EN1: variants seen among roughly 807,000 people sequenced by gnomAD.
The protein encoded by EN1 is homeobox protein engrailed-1.
EN1 carries 8 observed loss-of-function variants against 22.9 expected under a neutral mutation model. The observed-to-expected ratio is 0.35, with a 90% confidence interval of 0.20 to 0.63. The LOEUF is 0.63. Among genes scored for constraint, EN1 ranks in the 20% least tolerant of loss-of-function variants. The pLI is 0.73. For synonymous variants in EN1, 287 were observed against 262.5 expected (o/e 1.09, Z -0.90); for missense variants, 521 against 572.1 (o/e 0.91, Z 0.91).
At position 118,847,004 on chromosome 2, in the gene EN1, G is replaced by T. The variant is rs919719731; in HGVS notation, c.164C>A (p.Ala55Glu). Residue 55 changes from alanine (A) to glutamate (E), a missense_variant, in exon 1 of 2, where the codon GCG (alanine) becomes GAG (glutamate). Physicochemically the swap from Ala to Glu is moderately radical, Grantham distance 107. Coordinates refer to ENST00000295206, the MANE Select transcript of EN1 (RefSeq NM_001426.4). ...GDSVPVSPQP[A>E]PPSPPAAPCL... ...AGGCGCCGCGGGCGGCGAGGGGGGCGCAGGCTGCGGGGACACCGGCACGCT... is the reference window on the plus strand; with the variant it reads ...AGGCGCCGCGGGCGGCGAGGGGGGCTCAGGCTGCGGGGACACCGGCACGCT... 1 of 1,363,986 alleles carries T rather than the reference G, an allele frequency of 7.3e-7. No homozygotes were observed. 84.5% of individuals were successfully genotyped at this position (1,363,986 alleles called of 1,614,324 possible).
At position 118,846,260 on chromosome 2, in the gene EN1, T is replaced by C. The variant is rs1678266190; in HGVS notation, c.862+46A>G. On this transcript the variant is annotated intron_variant, in intron 1 of 1. Transcript: ENST00000295206. This position sits in a 1 kb window ranked among gnomAD's most constrained non-coding sequence, Gnocchi z 5.0. Reference sequence around the variant, plus strand: ...GCCGCAGCTTGGCGTTCTGGGGCGGTCCGCGGGGCCAGAAGGCATGGCGCA... The same window carrying C: ...GCCGCAGCTTGGCGTTCTGGGGCGGCCCGCGGGGCCAGAAGGCATGGCGCA... 1 of 1,582,736 alleles carries C rather than the reference T, an allele frequency of 6.3e-7. No individual in the cohort carries two copies. The highest frequency in any genetic ancestry group is 1.4e-5 in the African/African-American group (1 of 73,778).
chr2:118,843,615 G>A (rs1469944658), intron 1 of EN1, among the ~76,000 whole-genome samples: 1 of 152,206 alleles, frequency 6.6e-6, no homozygotes, highest in African/African-American at 2.4e-5. Flanking sequence ...AATCCAAGAT[G>A]AGGAGATATT....
Position 118,842,677 on chromosome 2 carries a change from G to C in EN1, c.*261C>G. The C allele has an allele frequency of 1.9e-6, 1 of 522,688 alleles. No individual in the cohort carries two copies. 32.4% of individuals were successfully genotyped at this position (522,688 alleles called of 1,614,324 possible). A position where few individuals can be genotyped will look rare whatever the true frequency, so the allele number is the denominator to read the frequency against. On this transcript the variant is annotated 3_prime_UTR_variant, in exon 2 of 2. Transcript: ENST00000295206. ...CGGTTTGGCTAGATAGAGCTTTAAG[G>C]AGTTCGCAGTTTCGTCCCTTATACT...
rs1284052116 is a variant in EN1 at position 118,847,204 on chromosome 2, C to A, written c.-37G>T. ...CCGCCGCCCCGGCCGCCGCGCCGGCCCCCGCCCCCACCGCCTCGCTCCCCA... is the reference window on the plus strand; with the variant it reads ...CCGCCGCCCCGGCCGCCGCGCCGGCACCCGCCCCCACCGCCTCGCTCCCCA... On this transcript the variant is annotated 5_prime_UTR_variant, in exon 1 of 2. Coordinates refer to ENST00000295206, the MANE Select transcript of EN1 (RefSeq NM_001426.4). 2.2e-5 allele frequency: 14 copies of A among 643,056 alleles called. 1 individual carries two copies. Among genetic ancestry groups the A allele is most frequent in the Non-Finnish European group, 3.3e-5 (14 of 427,372 alleles). 39.8% of individuals were successfully genotyped at this position (643,056 alleles called of 1,614,324 possible). A position where few individuals can be genotyped will look rare whatever the true frequency, so the allele number is the denominator to read the frequency against.
Position 118,846,440 on chromosome 2 carries a change from G to C in EN1, c.728C>G (p.Pro243Arg). The change falls in exon 1 of 2, where the codon CCG becomes CGG. Residue 243 changes from proline (P) to arginine (R), a missense_variant. By Grantham distance (103) the Pro-to-Arg change is moderately radical. Around this residue, in one of 3 missense-constraint regions of EN1, gnomAD observed 436 missense variants for 410.1 expected, o/e 1.06. Coordinates refer to ENST00000295206, the MANE Select transcript of EN1 (RefSeq NM_001426.4). This position sits in a 1 kb window ranked among gnomAD's most constrained non-coding sequence, Gnocchi z 5.0. ...TAGGATAGCCGGGTTGCCGTGCTCC[G>C]GGTATTTGGTGCCCTGCGCTCCGGG... ...GSPGAQGTKY[P>R]EHGNPAILLM... 2 of 1,612,432 alleles carry C rather than the reference G, an allele frequency of 1.2e-6. No individual in the cohort carries two copies. Among genetic ancestry groups the C allele is most frequent in the Non-Finnish European group, 1.7e-6 (2 of 1,179,578 alleles).
intron 1 of EN1, chr2:118,844,379 G>A (rs1170329697): frequency 4.6e-5 from 7 of 152,144 alleles, no homozygotes; most frequent in Non-Finnish European, 8.8e-5. Flanking sequence ...TCCTTAGGAA[G>A]GTGAAGTTCC....
At position 118,842,821 on chromosome 2, in the gene EN1, T is replaced by C; in HGVS notation, c.*117A>G. 7.0e-7 allele frequency: 1 copy of C among 1,428,702 alleles called. No homozygotes were observed. Among genetic ancestry groups the C allele is most frequent in the South Asian group, 1.5e-5 (1 of 67,320 alleles). The allele number at this position is 1,428,702 out of a possible 1,614,324, so 88.5% of individuals were successfully genotyped here. A position where few individuals can be genotyped will look rare whatever the true frequency, so the allele number is the denominator to read the frequency against. On this transcript the variant is annotated 3_prime_UTR_variant, in exon 2 of 2. Transcript: ENST00000295206. ...GAGGCTCTCTTTCTGTCTCTCTCGC[T>C]CTTTTCCCTGCGCTCCCTCCCTCCT...
At position 118,846,404 on chromosome 2, in the gene EN1, G is replaced by A; in HGVS notation, c.764C>T (p.Ser255Leu). The A allele has an allele frequency of 2.5e-6, 4 of 1,613,482 alleles. No individual in the cohort carries two copies. Among genetic ancestry groups the A allele is most frequent in the Non-Finnish European group, 3.4e-6 (4 of 1,179,920 alleles). ...HGNPAILLMG[S>L]ANGGPVVKTD... ...TTTGACCACGGGCCCGCCGTTGGCTGAGCCCATAAGTAGGATAGCCGGGTT... is the reference window on the plus strand; with the variant it reads ...TTTGACCACGGGCCCGCCGTTGGCTAAGCCCATAAGTAGGATAGCCGGGTT... The change falls in exon 1 of 2, where the codon TCA (serine) becomes TTA (leucine). Residue 255 changes from serine (S) to leucine (L), a missense_variant. Coordinates refer to ENST00000295206, the MANE Select transcript of EN1 (RefSeq NM_001426.4). The surrounding 1 kb of genome is among the most constrained non-coding windows in gnomAD (Gnocchi z 5.0).
rs780848344 is a variant in EN1, at chr2:118,846,603, C to G, written c.565G>C (p.Gly189Arg). 6.4e-6 allele frequency: 9 copies of G among 1,397,788 alleles called. No homozygotes were observed. The East Asian group carries it at 1.8e-4, about 29-fold the overall frequency. The allele number at this position is 1,397,788 out of a possible 1,614,324, so 86.6% of individuals were successfully genotyped here. A position where few individuals can be genotyped will look rare whatever the true frequency, so the allele number is the denominator to read the frequency against. Residue 189 changes from glycine (G) to arginine (R), a missense_variant, in exon 1 of 2, where the codon GGC (glycine) becomes CGC (arginine). This residue lies in a region of EN1 where 436 missense variants were observed against 410.1 expected (regional missense o/e 1.06). Transcript: ENST00000295206. This position sits in a 1 kb window ranked among gnomAD's most constrained non-coding sequence, Gnocchi z 5.0. ...PPDGSQPAAA[G>R]AGASKAGNPA... ...TTCCCAGCTTTAGACGCGCCCGCGC[C>G]GGCGGCGGCTGGCTGGGAGCCGTCG... is the stretch of plus-strand genomic sequence containing the variant.
intron 1 of EN1, among the ~76,000 whole-genome samples, chr2:118,844,749 G>T (rs1165542320): frequency 1.3e-5 from 2 of 152,202 alleles, no homozygotes; most frequent in African/African-American, 4.8e-5. Flanking sequence ...CTAGCATACT[G>T]CAGCGACTCA....
rs1678209252 is a variant in EN1 at position 118,842,701 on chromosome 2, C to G, written c.*237G>C. 2 of 698,520 alleles carry G rather than the reference C, an allele frequency of 2.9e-6. No individual in the cohort carries two copies. The highest frequency in any genetic ancestry group is 4.4e-6 in the Non-Finnish European group (2 of 455,442). The allele number at this position is 698,520 out of a possible 1,614,324, so 43.3% of individuals were successfully genotyped here. On this transcript the variant is annotated 3_prime_UTR_variant, in exon 2 of 2. Coordinates refer to ENST00000295206, the MANE Select transcript of EN1 (RefSeq NM_001426.4). The stretch of plus-strand genomic sequence containing the variant: ...GGAGTTCGCAGTTTCGTCCCTTATA[C>G]TGGGAATAGAGAATGGATCTTATTT...
chr2:118,846,453 C>T lies in EN1; in HGVS notation c.715G>A (p.Gly239Ser), dbSNP rs1378130551. The part of the protein sequence containing the change: ...GGGAGSPGAQ[G>S]TKYPEHGNPA... ...TTGCCGTGCTCCGGGTATTTGGTGC[C>T]CTGCGCTCCGGGGCTCCCCGCGCCG... Residue 239 changes from glycine (G) to serine (S), a missense_variant, in exon 1 of 2, where the codon GGC becomes AGC. Gly to Ser is a moderately conservative substitution (Grantham distance 56). This residue lies in a region of EN1 where 436 missense variants were observed against 410.1 expected (regional missense o/e 1.06). Coordinates refer to ENST00000295206, the MANE Select transcript of EN1 (RefSeq NM_001426.4). This position sits in a 1 kb window ranked among gnomAD's most constrained non-coding sequence, Gnocchi z 5.0. 2.5e-6 allele frequency: 4 copies of T among 1,610,562 alleles called. No homozygotes were observed. The highest frequency in any genetic ancestry group is 3.4e-6 in the Non-Finnish European group (4 of 1,179,088).
intron 1 of EN1, among the ~76,000 whole-genome samples, chr2:118,845,199 C>G (rs949141728): frequency 2.0e-5 from 3 of 152,220 alleles, no homozygotes; most frequent in Non-Finnish European, 4.4e-5. Flanking sequence ...CGCATCGATC[C>G]GCGCCCGGCC....
At chr2:118,843,708 T>G (rs1295936008) in intron 1 of EN1, among the ~76,000 whole-genome samples, 1 of 152,032 alleles carries the variant, frequency 6.6e-6, no homozygotes, top group Non-Finnish European at 1.5e-5. Flanking sequence ...ACTGGGGCAG[T>G]GAGGGCAGGC....
rs1678211311 is a variant in EN1 at position 118,842,842 on chromosome 2, C to T, written c.*96G>A. 1.2e-5 allele frequency: 17 copies of T among 1,467,840 alleles called. No individual in the cohort carries two copies. The highest frequency in any genetic ancestry group is 1.4e-5 in the Non-Finnish European group (16 of 1,110,930). The allele number at this position is 1,467,840 out of a possible 1,614,324, so 90.9% of individuals were successfully genotyped here. ...TCGCTCTTTTCCCTGCGCTCCCTCC[C>T]TCCTTGGAGCAGATGCTTTCTCCCC... On this transcript the variant is annotated 3_prime_UTR_variant, in exon 2 of 2. Coordinates refer to ENST00000295206, the MANE Select transcript of EN1 (RefSeq NM_001426.4).
In EN1 at chr2:118,846,551, G is replaced by A. The variant is rs1432079603; in HGVS notation, c.617C>T (p.Ala206Val). 3.4e-6 allele frequency: 4 copies of A among 1,185,512 alleles called. No homozygotes were observed. Among genetic ancestry groups the A allele is most frequent in the African/African-American group, 3.4e-5 (2 of 58,720 alleles). The allele number at this position is 1,185,512 out of a possible 1,614,324, so 73.4% of individuals were successfully genotyped here. A position where few individuals can be genotyped will look rare whatever the true frequency, so the allele number is the denominator to read the frequency against. ...GNPAAAAAAA[A>V]AAVAAAAAAA... is the part of the protein sequence containing the mutation. The stretch of plus-strand genomic sequence containing the variant: ...CGCCGCCGCCGCCGCCACTGCCGCC[G>A]CGGCCGCCGCCGCCGCCGCAGCCGG... Residue 206 changes from alanine (A) to valine (V), a missense_variant, in exon 1 of 2, where the codon GCG becomes GTG. Around this residue, in one of 3 missense-constraint regions of EN1, gnomAD observed 436 missense variants for 410.1 expected, o/e 1.06. Transcript: ENST00000295206. The surrounding 1 kb of genome is among the most constrained non-coding windows in gnomAD (Gnocchi z 5.0).
Position 118,846,753 on chromosome 2 carries a change from C to G in EN1, c.415G>C (p.Gly139Arg). ...AAAARGGAGG[G>R]GRVERDRGQT... is the part of the protein sequence containing the mutation. ...CCTCTGTCACGCTCGACCCGGCCTC[C>G]TCCTCCTGCGCCTCCTCTGGCCGCC... The change falls in exon 1 of 2, where the codon GGA becomes CGA. Residue 139 changes from glycine to arginine, a missense_variant. Transcript: ENST00000295206. This position sits in a 1 kb window ranked among gnomAD's most constrained non-coding sequence, Gnocchi z 5.0. 1.9e-6 allele frequency: 3 copies of G among 1,594,796 alleles called. No individual in the cohort carries two copies. The highest frequency in any genetic ancestry group is 1.7e-6 in the Non-Finnish European group (2 of 1,177,646).
Position 118,846,489 on chromosome 2 carries a change from C to A in EN1, c.679G>T (p.Gly227Cys), listed in dbSNP as rs774412937. 15 of 1,580,542 alleles carry A rather than the reference C, an allele frequency of 9.5e-6. No homozygotes were observed. The highest frequency in any genetic ancestry group is 1.8e-5 in the Admixed American group (1 of 56,728). The stretch of plus-strand genomic sequence containing the variant: ...GGGCTCCCCGCGCCGCCTCCACTGC[C>A]GCCGCCACCGGTGTCCGAGGGCTTG... ...AAKPSDTGGG[G>C]SGGGAGSPGA... Residue 227 changes from glycine to cysteine, a missense_variant, in exon 1 of 2, where the codon GGC becomes TGC. Physicochemically the swap from Gly to Cys is radical, Grantham distance 159 (BLOSUM62 -3). Coordinates refer to ENST00000295206, the MANE Select transcript of EN1 (RefSeq NM_001426.4). The surrounding 1 kb of genome is among the most constrained non-coding windows in gnomAD (Gnocchi z 5.0).
chr2:118,847,477 C>A lies in EN1; in HGVS notation c.-310G>T. The stretch of plus-strand genomic sequence containing the variant: ...GATTTGATTTAAATGGGGAGTAAGC[C>A]ACGGCCAAAAAAATGAAGGAAAAAA... On this transcript the variant is annotated 5_prime_UTR_variant, in exon 1 of 2. Coordinates refer to ENST00000295206, the MANE Select transcript of EN1 (RefSeq NM_001426.4). 1 of 268,812 alleles carries A rather than the reference C, an allele frequency of 3.7e-6. No homozygotes were observed. Among genetic ancestry groups the A allele is most frequent in the Non-Finnish European group, 6.9e-6 (1 of 145,270 alleles). The allele number at this position is 268,812 out of a possible 1,614,324, so 16.7% of individuals were successfully genotyped here.
Sources: gnomAD v4.1 joint callset for allele counts (sites outside exome capture counted in the v4.1 genomes callset) on GRCh38, gnomAD v4.1.1 for gene constraint, gnomAD v4.1.1 regional missense constraint, Gnocchi (gnomAD v3.1) non-coding constraint, MANE v1.5 for transcripts, NCBI Gene and HGNC (gene_info 2026-07-23, HGNC 2026-07-21) for gene names.